POLQ: variants seen among roughly 807,000 people sequenced by gnomAD.
The protein encoded by POLQ is epididymis secretory sperm binding protein.
POLQ carries 233 observed loss-of-function variants against 259.2 expected under a neutral mutation model. The observed-to-expected ratio is 0.90, with a 90% CI of 0.81 to 1.00. POLQ has a LOEUF of 1.00. POLQ is among the 50% of genes least tolerant of loss of function. The pLI is 0.00. For missense variants in POLQ, 2,871 were observed against 3,051.6 expected (o/e 0.94, Z 1.39); for synonymous variants, 1,025 against 1,048.8 (o/e 0.98, Z 0.44).
At chr3:121,432,545 A>G (rs1181303661) in intron 29 of POLQ, 128 bp from the exon 30 acceptor site, 27 of 750,174 alleles carry the variant, frequency 3.6e-5, no homozygotes, top group Non-Finnish European at 4.9e-5. Flanking sequence ...TAAATCAGAA[A>G]AAATAAAAAA....
At chr3:121,531,603 T>C (rs2048412308) in intron 6 of POLQ, among the ~76,000 whole-genome samples, 1 of 152,210 alleles carries the variant, frequency 6.6e-6, no homozygotes, top group Admixed American at 6.5e-5. Flanking sequence ...CATGATCTGA[T>C]GTTCATTTTA....
chr3:121,523,714 C>G (rs949856287), intron 7 of POLQ, among the ~76,000 whole-genome samples: 19 of 150,566 alleles, frequency 1.3e-4, no homozygotes, highest in African/African-American at 3.9e-4. Context: ...GACCCTGTCT[C>G]AAAACAAAAA....
At position 121,462,949 on chromosome 3, in the gene POLQ, G is replaced by C. The variant is rs368665318; in HGVS notation, c.6968-2715C>G. On this transcript the variant is annotated intron_variant, in intron 24 of 29. Coordinates refer to ENST00000264233, the MANE Select transcript of POLQ (RefSeq NM_199420.4). ...CAAAATCCAAAGATTCAACAAGGTG[G>C]CAACCATAACGTCCGCATACTAGCA... 3.2e-4 allele frequency among the ~76,000 whole-genome samples: 48 copies of C among 152,326 alleles called. No individual in the cohort carries two copies. The South Asian group carries it at 9.9e-3, about 32-fold the overall frequency.
intron 26 of POLQ, among the ~76,000 whole-genome samples, chr3:121,443,764 T>C (rs979430365): frequency 6.6e-6 from 1 of 152,184 alleles, no homozygotes; most frequent in Admixed American, 6.5e-5. Context: ...TGATTTTATT[T>C]TGTATATATA....
At position 121,481,788 on chromosome 3, in the gene POLQ, C is replaced by T. The variant is rs1346777798; in HGVS notation, c.5995G>A (p.Asp1999Asn). Reference sequence around the variant, plus strand: ...CTATGAAGAGTCGGCTCCTGAGAATCTGGATCTAGTAACCAGCATGCCACC... The same window carrying T: ...CTATGAAGAGTCGGCTCCTGAGAATTTGGATCTAGTAACCAGCATGCCACC... ...PKVACWLLDP[D>N]SQEPTLHSIV... Residue 1999 changes from aspartate to asparagine, a missense_variant, in exon 19 of 30, where the codon GAT (aspartate) becomes AAT (asparagine). Asp to Asn is a conservative substitution (Grantham distance 23). Around this residue, in one of 3 missense-constraint regions of POLQ, gnomAD observed 2,080 missense variants for 2,126.0 expected, o/e 0.98. Transcript: ENST00000264233. 4 of 1,612,182 alleles carry T rather than the reference C, an allele frequency of 2.5e-6. No individual in the cohort carries two copies.
chr3:121,460,803 C>A (rs765555015), intron 24 of POLQ, among the ~76,000 whole-genome samples: 1 of 151,882 alleles, frequency 6.6e-6, no homozygotes, highest in Non-Finnish European at 1.5e-5. Flanking sequence ...GTTATTAAAA[C>A]GATTAAAATA....
intron 26 of POLQ, among the ~76,000 whole-genome samples, chr3:121,446,064 T>C (rs1311125858): frequency 6.6e-6 from 1 of 152,188 alleles, no homozygotes; most frequent in Non-Finnish European, 1.5e-5. Flanking sequence ...TTTTTTTTAA[T>C]GTAGGCACTT....
At chr3:121,464,992 A>T (rs1241181150) in intron 24 of POLQ, among the ~76,000 whole-genome samples, 1 of 152,142 alleles carries the variant, frequency 6.6e-6, no homozygotes, top group East Asian at 1.9e-4. Context: ...TAATACTTCT[A>T]AAAAAAGATG....
At chr3:121,540,058 ATT>A (rs536170661) in intron 3 of POLQ, among the ~76,000 whole-genome samples, 5 of 146,856 alleles carry the variant, frequency 3.4e-5, no homozygotes, top group Admixed American at 2.0e-4. Flanking sequence ...TTTAATAATA[ATT>A]TTTTTTTTTT....
intron 26 of POLQ, among the ~76,000 whole-genome samples, chr3:121,444,867 T>C (rs952196006): frequency 3.3e-5 from 5 of 152,222 alleles, no homozygotes; most frequent in African/African-American, 1.2e-4. Flanking sequence ...ATATTGTTTT[T>C]ATCCTTCATT....
chr3:121,494,471 G>T, intron 14 of POLQ: 1 of 1,488,244 alleles, frequency 6.7e-7, no homozygotes. Flanking sequence ...CAAGAAGAAA[G>T]CTGCTGGCAG....
chr3:121,477,545 CT>C (rs2047937964), intron 19 of POLQ, among the ~76,000 whole-genome samples: 2 of 152,118 alleles, frequency 1.3e-5, no homozygotes, highest in South Asian at 4.1e-4. Flanking sequence ...ATTAAAGGCC[CT>C]GAGAGGACCT....
At chr3:121,438,075 GCT>G (rs2047559743) in intron 27 of POLQ, among the ~76,000 whole-genome samples, 1 of 152,184 alleles carries the variant, frequency 6.6e-6, no homozygotes. Context: ...CACAGGTGTA[GCT>G]CTGTGATAAT....
chr3:121,536,543 A>G (rs1417298446), intron 5 of POLQ, among the ~76,000 whole-genome samples: 1 of 152,204 alleles, frequency 6.6e-6, no homozygotes, highest in Non-Finnish European at 1.5e-5. Context: ...CAGAAACTAG[A>G]TTTTTAAAAA....
At position 121,481,673 on chromosome 3, in the gene POLQ, C is replaced by T. The variant is rs372461885; in HGVS notation, c.6110G>A (p.Gly2037Asp). 2.5e-6 allele frequency: 4 copies of T among 1,613,928 alleles called. No homozygotes were observed. In the African/African-American group the frequency reaches 5.3e-5, roughly 22 times the overall value. The change falls in exon 19 of 30, where the codon GGC (glycine) becomes GAC (aspartate). Residue 2037 changes from glycine (G) to aspartate (D), a missense_variant. By Grantham distance (94) the Gly-to-Asp change is moderately conservative (BLOSUM62 -1). Around this residue, in one of 3 missense-constraint regions of POLQ, gnomAD observed 2,080 missense variants for 2,126.0 expected, o/e 0.98. Coordinates refer to ENST00000264233, the MANE Select transcript of POLQ (RefSeq NM_199420.4). ...TCTGTATCGCCCAGAATGCTCACTG[C>T]CAGCATTTAGCCCCAGGCTTTGAAT... is the stretch of plus-strand genomic sequence containing the variant. ...QGIQSLGLNA[G>D]SEHSGRYRAS... is the part of the protein sequence containing the mutation.
chr3:121,517,977 C>T (rs1372913144), intron 9 of POLQ, among the ~76,000 whole-genome samples: 3 of 152,124 alleles, frequency 2.0e-5, no homozygotes, highest in Non-Finnish European at 2.9e-5. Flanking sequence ...CAATAAATTA[C>T]GGTCAATTTT....
rs1171137687 is a variant in POLQ at position 121,445,875 on chromosome 3, AC to A, written c.7264+3439del. On this transcript the variant is annotated intron_variant, in intron 26 of 29. Coordinates refer to ENST00000264233, the MANE Select transcript of POLQ (RefSeq NM_199420.4). ...AACACTCCATCTCAAAAAAAAAAAA[AC>A]AACCAATAACCAACTTTTTGTTTTG... is the stretch of plus-strand genomic sequence containing the variant. Among the ~76,000 whole-genome samples the A allele has an allele frequency of 2.8e-4, 41 of 146,554 alleles. No individual in the cohort carries two copies. The South Asian group carries it at 8.9e-3, about 32-fold the overall frequency.
chr3:121,442,043 G>A (rs1457650569), intron 26 of POLQ, among the ~76,000 whole-genome samples: 1 of 152,186 alleles, frequency 6.6e-6, no homozygotes, highest in Non-Finnish European at 1.5e-5. Flanking sequence ...TCTAGCTTCT[G>A]AGCATTGAAT....
At chr3:121,532,850 G>A (rs2048421195) in intron 6 of POLQ, 140 bp downstream of exon 6, 5 of 618,016 alleles carry the variant, frequency 8.1e-6, no homozygotes, top group Non-Finnish European at 2.8e-6. Flanking sequence ...AATTCTTTAA[G>A]AGGAAACCAG....
Sources: allele counts gnomAD v4.1 joint callset (sites outside exome capture counted in the v4.1 genomes callset), GRCh38; gene constraint gnomAD v4.1.1; regional missense constraint gnomAD v4.1.1; transcripts MANE v1.5; gene names NCBI Gene and HGNC (gene_info 2026-07-23, HGNC 2026-07-21).